The following COL21A1 variants were observed in gnomAD, a reference collection of about 807,000 sequenced individuals.
COL21A1 encodes the protein collagen type XXI alpha 1 chain, also known as collagen alpha-1(XXI) chain.
A neutral mutation model predicts 137.9 loss-of-function variants in COL21A1; 149 were observed. The observed-to-expected ratio is 1.08, with a 90% confidence interval of 0.95 to 1.24. The LOEUF (loss-of-function observed/expected upper bound fraction) is 1.24. COL21A1 is among the 50% of genes most tolerant of loss of function. COL21A1 has a pLI of 0.00. For missense variants in COL21A1, 1,167 were observed against 1,158.4 expected, an observed-to-expected ratio of 1.01 and a Z score of -0.11; for synonymous variants, 456 against 391.5, an observed-to-expected ratio of 1.16 and a Z score of -1.95.
At chr6:56,081,995 C>G (rs374910167) in intron 17 of COL21A1, among the ~76,000 whole-genome samples, 1 of 151,878 alleles carries the variant, frequency 6.6e-6, no homozygotes, top group African/African-American at 2.4e-5. Flanking sequence ...ATTTTCAAGG[C>G]TACTGCAGTA....
At chr6:56,127,789 A>G (rs940982232) in intron 12 of COL21A1, among the ~76,000 whole-genome samples, 1 of 152,122 alleles carries the variant, frequency 6.6e-6, no homozygotes, top group African/African-American at 2.4e-5. Context: ...TAGGGATGGT[A>G]GGACTGGTGC....
At chr6:56,175,410 C>A (rs573308219) in intron 3 of COL21A1, among the ~76,000 whole-genome samples, 5 of 151,252 alleles carry the variant, frequency 3.3e-5, no homozygotes, top group Non-Finnish European at 5.9e-5. Flanking sequence ...AGACTCCATG[C>A]CAAAAAAAAT....
chr6:56,305,882 CT>C (rs1764437476), intron 1 of COL21A1, among the ~76,000 whole-genome samples: 2 of 151,750 alleles, frequency 1.3e-5, no homozygotes, highest in Non-Finnish European at 2.9e-5. Context: ...CTGGTTGTTC[CT>C]TCCCATGTTT....
At chr6:56,242,572 G>C (rs914480085) in intron 1 of COL21A1, among the ~76,000 whole-genome samples, 2 of 152,070 alleles carry the variant, frequency 1.3e-5, no homozygotes, top group Non-Finnish European at 2.9e-5. Flanking sequence ...ACAAGCATCT[G>C]GCAGGATTCC....
In COL21A1 at chr6:56,271,710, C is replaced by T. The variant is rs569837127; in HGVS notation, c.-38-89054G>A. Among the ~76,000 whole-genome samples, 6 of 152,336 alleles carry T rather than the reference C, an allele frequency of 3.9e-5. No homozygotes were observed. In the South Asian group the frequency reaches 6.2e-4, roughly 16 times the overall value. ...CCAAAGGTCTAGGAGGAAAAAATTG[C>T]TCTGTGGGCTTGGCCCAGGGCACCA... On this transcript the variant is annotated intron_variant, in intron 1 of 28. Transcript: ENST00000370819.
chr6:56,257,188 A>T (rs757796896), intron 1 of COL21A1, among the ~76,000 whole-genome samples: 3 of 152,202 alleles, frequency 2.0e-5, no homozygotes, highest in Non-Finnish European at 2.9e-5. Context: ...AATTCCCATT[A>T]CTAGCAAGTT....
rs1355367410 is a variant in COL21A1 at position 56,069,223 on chromosome 6, ATG to A, written c.2020-108_2020-107del. Reference sequence around the variant, plus strand: ...AATTTTAAAATGAATGGTTAAAAAAATGTATTGACAGTTACTACTACAGAAAT... The same window carrying A: ...AATTTTAAAATGAATGGTTAAAAAAATATTGACAGTTACTACTACAGAAAT... On this transcript the variant is annotated intron_variant, in intron 21 of 29. Transcript: ENST00000244728. The A allele has an allele frequency of 6.6e-6, 4 of 607,742 alleles. No individual in the cohort carries two copies. The South Asian group carries it at 1.0e-4, about 16-fold the overall frequency. The allele number at this position is 607,742 out of a possible 1,614,324, so 37.6% of individuals were successfully genotyped here. A position where few individuals can be genotyped will look rare whatever the true frequency, so the allele number is the denominator to read the frequency against.
chr6:56,363,981 C>G (rs546401247), intron 1 of COL21A1, among the ~76,000 whole-genome samples: 77 of 152,300 alleles, frequency 5.1e-4, no homozygotes, highest in Non-Finnish European at 9.7e-4. Context: ...TTGCACTGGA[C>G]AGCAAATTTG....
chr6:56,366,322 A>G (rs1766100497), intron 1 of COL21A1, among the ~76,000 whole-genome samples: 2 of 152,188 alleles, frequency 1.3e-5, no homozygotes, highest in Admixed American at 1.3e-4. Context: ...TCTGCAAGTC[A>G]GAGATCACTG....
intron 1 of COL21A1, among the ~76,000 whole-genome samples, chr6:56,274,913 C>G (rs114853206): frequency 6.6e-6 from 1 of 151,942 alleles, no homozygotes; most frequent in East Asian, 1.9e-4. Context: ...CAAAGCAATC[C>G]TAAGCAAAGA....
intron 14 of COL21A1, among the ~76,000 whole-genome samples, chr6:56,124,686 G>T (rs1337480844): frequency 1.3e-5 from 2 of 152,092 alleles, no homozygotes; most frequent in African/African-American, 2.4e-5. Context: ...CTGTTGCCCA[G>T]GCTGGAGTGC....
At chr6:56,067,425 C>A in intron 22 of COL21A1, 95 bp from the exon 23 acceptor site, 1 of 1,082,864 alleles carries the variant, frequency 9.2e-7, no homozygotes, top group Non-Finnish European at 1.4e-6. Context: ...AAAACAACAT[C>A]TCGTGCAAAC....
chr6:56,308,633 T>A (rs1381187555), intron 1 of COL21A1, among the ~76,000 whole-genome samples: 1 of 152,186 alleles, frequency 6.6e-6, no homozygotes, highest in African/African-American at 2.4e-5. Context: ...GCAAGATGAA[T>A]AAGCTCTAGA....
chr6:56,167,422 C>G (rs574274065), intron 6 of COL21A1, among the ~76,000 whole-genome samples: 1 of 152,200 alleles, frequency 6.6e-6, no homozygotes, highest in South Asian at 2.1e-4. Flanking sequence ...ATTAGTAGGC[C>G]CAGCACCTGT....
intron 1 of COL21A1, among the ~76,000 whole-genome samples, chr6:56,281,933 G>A (rs574489531): frequency 5.9e-5 from 9 of 152,322 alleles, no homozygotes; most frequent in Admixed American, 5.9e-4. Context: ...AGGAGAAACA[G>A]TGAATTCCAG....
At chr6:56,297,984 G>A (rs1764199111) in intron 1 of COL21A1, among the ~76,000 whole-genome samples, 1 of 151,924 alleles carries the variant, frequency 6.6e-6, no homozygotes, top group Admixed American at 6.6e-5. Flanking sequence ...ACAAAATCCT[G>A]GTGTGGAACC....
rs938961972 is a variant in COL21A1 at position 56,124,887 on chromosome 6, T to C, written c.1651-595A>G. Among the ~76,000 whole-genome samples the C allele has an allele frequency of 3.9e-5, 6 of 151,948 alleles. No individual in the cohort carries two copies. In the South Asian group the frequency reaches 8.3e-4, roughly 21 times the overall value. On this transcript the variant is annotated intron_variant, in intron 14 of 29. Transcript: ENST00000244728. ...GTCTCGATCTCCTGACTTCGTGATC[T>C]GCCCACCTTAGCCTCCCAAAGTGCT...
intron 1 of COL21A1, among the ~76,000 whole-genome samples, chr6:56,301,640 A>G (rs1420421102): frequency 6.6e-6 from 1 of 152,136 alleles, no homozygotes; most frequent in African/African-American, 2.4e-5. Context: ...TTACCACTTC[A>G]CCCTTTAGAT....
chr6:56,075,520 G>T lies in COL21A1; in HGVS notation c.1870C>A (p.Pro624Thr). Residue 624 changes from proline (P) to threonine (T), a missense_variant, in exon 19 of 30, where the codon CCT (proline) becomes ACT (threonine). Coordinates refer to ENST00000244728, the MANE Select transcript of COL21A1 (RefSeq NM_030820.4). ...CCTTTTTTTCCTTGCTGTCCTGGAG[G>T]CCCAATTTCTCCCTAAAAAAATCAA... ...GLMGQKGEIG[P>T]PGQQGKKGAP... 6.6e-7 allele frequency: 1 copy of T among 1,521,584 alleles called. No homozygotes were observed. The highest frequency in any genetic ancestry group is 8.8e-7 in the Non-Finnish European group (1 of 1,135,774). 94.3% of individuals were successfully genotyped at this position (1,521,584 alleles called of 1,614,324 possible). A position where few individuals can be genotyped will look rare whatever the true frequency, so the allele number is the denominator to read the frequency against.
Sources: gnomAD v4.1 joint callset for allele counts (sites outside exome capture counted in the v4.1 genomes callset) on GRCh38, gnomAD v4.1.1 for gene constraint, MANE v1.5 for transcripts, NCBI Gene and HGNC (gene_info 2026-07-23, HGNC 2026-07-21) for gene names.